Variants in WDR27 observed in about 807,000 individuals in gnomAD.
WDR27 encodes WD repeat domain 27, also known as WD repeat-containing protein 27.
Under a neutral mutation model 114.4 loss-of-function variants are expected in WDR27, and 100 were observed. The observed-to-expected ratio is 0.87, with a 90% confidence interval of 0.74 to 1.03. The LOEUF (loss-of-function observed/expected upper bound fraction) is 1.03. Among genes scored for constraint, WDR27 ranks in the 50% least tolerant of loss-of-function variants. The pLI is 0.00. For synonymous variants in WDR27, 449 were observed against 423.1 expected, an observed-to-expected ratio of 1.06 and a Z score of -0.75; for missense variants, 1,129 against 1,092.9, an observed-to-expected ratio of 1.03 and a Z score of -0.47.
intron 21 of WDR27, among the ~76,000 whole-genome samples, chr6:169,627,563 G>A (rs1815179096): frequency 6.6e-6 from 1 of 152,192 alleles, no homozygotes; most frequent in Non-Finnish European, 1.5e-5. Context: ...CATTCACCAT[G>A]CCTGCTGTCC....
At chr6:169,473,655 G>A (rs1786738022) in intron 25 of WDR27, among the ~76,000 whole-genome samples, 2 of 151,814 alleles carry the variant, frequency 1.3e-5, no homozygotes, top group South Asian at 4.2e-4. Context: ...ATGTCTAAAG[G>A]AGCTAAAGAA....
intron 25 of WDR27, among the ~76,000 whole-genome samples, chr6:169,556,502 T>TA (rs1286100267): frequency 6.6e-6 from 1 of 152,144 alleles, no homozygotes; most frequent in African/African-American, 2.4e-5. Context: ...CCAAATGGAA[T>TA]AAAAAACCAC....
chr6:169,525,328 A>T (rs1035186940), intron 25 of WDR27, among the ~76,000 whole-genome samples: 1 of 151,958 alleles, frequency 6.6e-6, no homozygotes, highest in African/African-American at 2.4e-5. Flanking sequence ...TGAGGTCAGG[A>T]GATCGAGACC....
chr6:169,507,304 C>T (rs1275119510), intron 25 of WDR27, among the ~76,000 whole-genome samples: 15 of 152,226 alleles, frequency 9.9e-5, no homozygotes, highest in Admixed American at 2.6e-4. Context: ...AGAAGCAGCA[C>T]GTGTGTAAGA....
rs968500973 is a variant in WDR27 at position 169,621,621 on chromosome 6, T to C, written c.2224-7965A>G. Among the ~76,000 whole-genome samples the C allele has an allele frequency of 2.0e-5, 3 of 149,440 alleles. No homozygotes were observed. In the South Asian group the frequency reaches 6.4e-4, roughly 32 times the overall value. ...ACATACCCACACATGCATTCACGCA[T>C]ATACATACCCACACATGCATATACA... On this transcript the variant is annotated intron_variant, in intron 21 of 25. Transcript: ENST00000448612.
the WDR27 span, among the ~76,000 whole-genome samples, chr6:169,438,629 A>G: frequency 6.6e-6 from 1 of 152,210 alleles, no homozygotes; most frequent in Admixed American, 6.5e-5. Flanking sequence ...GTGTACACTC[A>G]TAATCTTGGA....
intron 25 of WDR27, among the ~76,000 whole-genome samples, 160 bp downstream of exon 25, chr6:169,572,259 G>C (rs982344525): frequency 6.6e-6 from 1 of 152,020 alleles, no homozygotes; most frequent in African/African-American, 2.4e-5. Flanking sequence ...AAGAATTCTG[G>C]GCCGGGCGTG....
chr6:169,538,311 ACTT>A (rs973820642), intron 25 of WDR27, among the ~76,000 whole-genome samples: 9 of 152,122 alleles, frequency 5.9e-5, no homozygotes, highest in Admixed American at 5.2e-4. Flanking sequence ...GTAGCATGAA[ACTT>A]CTTTTCAACA....
chr6:169,653,343 T>C (rs1823122430), intron 13 of WDR27, among the ~76,000 whole-genome samples: 1 of 152,222 alleles, frequency 6.6e-6, no homozygotes, highest in East Asian at 1.9e-4. Context: ...AAAGGCTTTT[T>C]TACATTGCAC....
chr6:169,432,644 C>T, the WDR27 span, among the ~76,000 whole-genome samples: 1 of 152,230 alleles, frequency 6.6e-6, no homozygotes, highest in Admixed American at 6.5e-5. Context: ...GAGGCCTCCC[C>T]AGTCACGTGA....
At chr6:169,644,865 C>T (rs1820143647) in intron 16 of WDR27, among the ~76,000 whole-genome samples, 1 of 103,442 alleles carries the variant, frequency 9.7e-6, no homozygotes. Flanking sequence ...AAAAATTAGC[C>T]GGGCGTAGTG....
intron 18 of WDR27, 88 bp downstream of exon 18, chr6:169,638,451 C>T (rs1330562010): frequency 5.4e-6 from 8 of 1,478,312 alleles, no homozygotes; most frequent in Middle Eastern, 2.5e-4. Flanking sequence ...CTTTCCTCAT[C>T]TCCTGTTAAG....
intron 1 of WDR27, among the ~76,000 whole-genome samples, chr6:169,700,550 T>C (rs1041206770): frequency 6.6e-6 from 1 of 152,190 alleles, no homozygotes; most frequent in African/African-American, 2.4e-5. Context: ...CCCCACCCAC[T>C]GGCTAAATGC....
intron 16 of WDR27, 177 bp downstream of exon 16, chr6:169,647,596 C>G: frequency 1.4e-6 from 1 of 693,998 alleles, no homozygotes; most frequent in Non-Finnish European, 2.6e-6. Flanking sequence ...TCACTACAGT[C>G]GAGTGAAACG....
intron 25 of WDR27, among the ~76,000 whole-genome samples, chr6:169,510,057 A>G (rs1396720586): frequency 6.6e-6 from 1 of 152,246 alleles, no homozygotes; most frequent in Non-Finnish European, 1.5e-5. Context: ...CCATCAGAGA[A>G]ATGCAAATCG....
the WDR27 span, among the ~76,000 whole-genome samples, chr6:169,440,423 C>T: frequency 6.6e-6 from 1 of 152,216 alleles, no homozygotes; most frequent in South Asian, 2.1e-4. Flanking sequence ...AGGGGACAAG[C>T]CTCACGCCTA....
intron 25 of WDR27, among the ~76,000 whole-genome samples, chr6:169,552,045 G>A (rs1304109875): frequency 6.6e-6 from 1 of 152,096 alleles, no homozygotes; most frequent in African/African-American, 2.4e-5. Flanking sequence ...ACAAAGAAAG[G>A]CAACAGGGGT....
chr6:169,571,707 T>G (rs1321341425), intron 25 of WDR27, among the ~76,000 whole-genome samples: 1 of 152,004 alleles, frequency 6.6e-6, no homozygotes, highest in East Asian at 1.9e-4. Flanking sequence ...GGTGGTGGCT[T>G]GAGACTGCCA....
rs1788179694 is a variant in WDR27 at position 169,701,891 on chromosome 6, G to A, written c.-348C>T. 5.9e-6 allele frequency: 2 copies of A among 339,168 alleles called. No individual in the cohort carries two copies. The highest frequency in any genetic ancestry group is 2.2e-5 in the African/African-American group (1 of 44,772). 21.0% of individuals were successfully genotyped at this position (339,168 alleles called of 1,614,324 possible). A position where few individuals can be genotyped will look rare whatever the true frequency, so the allele number is the denominator to read the frequency against. ...GCAGCTCGGGTTCGGCGCCGACTCCGCGCCGAGACCAGCCCGCTAGGGGAG... is the reference window on the plus strand; with the variant it reads ...GCAGCTCGGGTTCGGCGCCGACTCCACGCCGAGACCAGCCCGCTAGGGGAG... On this transcript the variant is annotated 5_prime_UTR_variant, in exon 1 of 26. Transcript: ENST00000448612.
Sources: gnomAD v4.1 joint callset for allele counts (sites outside exome capture counted in the v4.1 genomes callset) on GRCh38, gnomAD v4.1.1 for gene constraint, MANE v1.5 for transcripts, NCBI Gene and HGNC (gene_info 2026-07-23, HGNC 2026-07-21) for gene names.